The following ARHGAP24 variants were observed in gnomAD, a reference collection of about 807,000 sequenced individuals.
The protein encoded by ARHGAP24 is rho GTPase-activating protein 24.
ARHGAP24 carries 50 observed loss-of-function variants against 76.4 expected under a neutral mutation model. The observed-to-expected ratio is 0.65, with a 90% CI of 0.52 to 0.83. ARHGAP24 has a LOEUF of 0.83. ARHGAP24 is among the 40% of genes least tolerant of loss of function. ARHGAP24 has a pLI of 0.00. For synonymous variants in ARHGAP24, 345 were observed against 323.3 expected (o/e 1.07, Z -0.72); for missense variants, 930 against 914.2 (o/e 1.02, Z -0.22).
intron 2 of ARHGAP24, among the ~76,000 whole-genome samples, chr4:85,700,549 A>G (rs1224355683): frequency 6.6e-6 from 1 of 152,190 alleles, no homozygotes; most frequent in African/African-American, 2.4e-5. Context: ...CAATGGAGAT[A>G]GGAAGGATTA....
At chr4:85,571,087 G>A (rs1159226735) in intron 2 of ARHGAP24, among the ~76,000 whole-genome samples, 1 of 152,138 alleles carries the variant, frequency 6.6e-6, no homozygotes, top group Non-Finnish European at 1.5e-5. Flanking sequence ...CAGGTTTGAA[G>A]GAAGAACTGT....
intron 1 of ARHGAP24, among the ~76,000 whole-genome samples, chr4:85,503,311 C>A (rs112322273): frequency 0.016 from 2,404 of 152,224 alleles, 36 homozygotes; most frequent in Non-Finnish European, 0.025. Context: ...CCTCTTTGTA[C>A]CTCTGATAGA....
At chr4:85,636,424 A>G (rs1357986281) in intron 2 of ARHGAP24, among the ~76,000 whole-genome samples, 3 of 150,734 alleles carry the variant, frequency 2.0e-5, no homozygotes, top group Admixed American at 6.6e-5. Flanking sequence ...AATTCAAAGT[A>G]CCTAACCTCA....
At chr4:85,739,244 GA>G (rs1258011467) in intron 3 of ARHGAP24, among the ~76,000 whole-genome samples, 3 of 152,128 alleles carry the variant, frequency 2.0e-5, no homozygotes, top group African/African-American at 7.2e-5. Context: ...AGTCTACCCA[GA>G]ACCCTTCTAT....
chr4:85,924,263 T>C (rs984838274), intron 4 of ARHGAP24, among the ~76,000 whole-genome samples: 1 of 152,146 alleles, frequency 6.6e-6, no homozygotes, highest in Non-Finnish European at 1.5e-5. Flanking sequence ...AATTTGAAAG[T>C]AAGTTTTTAA....
chr4:86,001,870 G>A lies in ARHGAP24; in HGVS notation c.*1148G>A, dbSNP rs114726604. On this transcript the variant is annotated 3_prime_UTR_variant, in exon 10 of 10. Transcript: ENST00000395184. ...GGAGGGGGCCAGGCTGCAGGAGAAGGAGAAAAGTTTAGAAGAAACAAACCA... is the reference window on the plus strand; with the variant it reads ...GGAGGGGGCCAGGCTGCAGGAGAAGAAGAAAAGTTTAGAAGAAACAAACCA... 7.1e-4 allele frequency: 112 copies of A among 157,678 alleles called. No homozygotes were observed. The highest frequency in any genetic ancestry group is 2.3e-3 in the Admixed American group (35 of 15,428). The allele number at this position is 157,678 out of a possible 1,614,324, so 9.8% of individuals were successfully genotyped here.
intron 2 of ARHGAP24, among the ~76,000 whole-genome samples, chr4:85,694,072 C>T (rs1468592883): frequency 6.6e-6 from 1 of 152,184 alleles, no homozygotes; most frequent in Non-Finnish European, 1.5e-5. Context: ...TGGTTCACAG[C>T]TTCCTACCTC....
At chr4:85,655,784 T>TAG (rs1391776025) in intron 2 of ARHGAP24, among the ~76,000 whole-genome samples, 16 of 29,610 alleles carry the variant, frequency 5.4e-4, no homozygotes, top group African/African-American at 1.7e-3. Context: ...TATATATATA[T>TAG]ATATATATAG....
intron 2 of ARHGAP24, among the ~76,000 whole-genome samples, chr4:85,618,278 G>A (rs1720603158): frequency 6.6e-6 from 1 of 152,038 alleles, no homozygotes; most frequent in Non-Finnish European, 1.5e-5. Context: ...CTCACTTAGG[G>A]TCAGGTTCAT....
chr4:85,982,166 C>A (rs918281339), intron 8 of ARHGAP24, among the ~76,000 whole-genome samples: 6 of 151,802 alleles, frequency 4.0e-5, no homozygotes, highest in African/African-American at 1.2e-4. Flanking sequence ...GTGCTGCCAT[C>A]ATCTTCCTAG....
At chr4:85,504,691 T>G (rs1367528807) in intron 1 of ARHGAP24, among the ~76,000 whole-genome samples, 2 of 152,214 alleles carry the variant, frequency 1.3e-5, no homozygotes, top group African/African-American at 2.4e-5. Context: ...AGTTGGTGTC[T>G]TTTAATTGGA....
chr4:85,573,286 C>T lies in ARHGAP24; in HGVS notation c.180+2565C>T, dbSNP rs375968051. On this transcript the variant is annotated intron_variant, in intron 2 of 9. Transcript: ENST00000395184. ...TGTTTTGCCCTGATGTTTAAACACA[C>T]GCATACAAATTCAGATTAAGAACTG... Among the ~76,000 whole-genome samples the T allele has an allele frequency of 3.6e-4, 55 of 152,248 alleles. No individual in the cohort carries two copies. The East Asian group carries it at 5.2e-3, about 14-fold the overall frequency.
intron 3 of ARHGAP24, among the ~76,000 whole-genome samples, chr4:85,919,049 A>G (rs1345492672): frequency 6.6e-6 from 1 of 152,226 alleles, no homozygotes; most frequent in Non-Finnish European, 1.5e-5. Context: ...CATGAATATA[A>G]TGTGATATAA....
chr4:85,769,992 A>G (rs1275858057), intron 3 of ARHGAP24, among the ~76,000 whole-genome samples: 1 of 152,232 alleles, frequency 6.6e-6, no homozygotes, highest in Admixed American at 6.5e-5. Flanking sequence ...TTTCCATTGA[A>G]GAGGAATTAA....
At chr4:85,646,649 A>G (rs1721733128) in intron 2 of ARHGAP24, among the ~76,000 whole-genome samples, 1 of 152,228 alleles carries the variant, frequency 6.6e-6, no homozygotes, top group African/African-American at 2.4e-5. Flanking sequence ...TTTATTTAAC[A>G]GTTTATGATT....
rs560642605 is a variant in ARHGAP24, at chr4:85,895,969, G to A, written c.269-27679G>A. On this transcript the variant is annotated intron_variant, in intron 3 of 9. Transcript: ENST00000395184. The stretch of plus-strand genomic sequence containing the variant: ...CTCACTGTTTGTAGTGATCAATTAC[G>A]TTAATTCCATGGTAGAGGGTACTTC... 1.7e-4 allele frequency among the ~76,000 whole-genome samples: 26 copies of A among 152,282 alleles called. 2 individuals carry two copies. The South Asian group carries it at 5.2e-3, about 30-fold the overall frequency.
At chr4:85,854,302 A>T (rs2110167606) in intron 3 of ARHGAP24, among the ~76,000 whole-genome samples, 1 of 152,326 alleles carries the variant, frequency 6.6e-6, no homozygotes, top group Admixed American at 6.5e-5. Flanking sequence ...TGAGAAAATT[A>T]ATTTCCTTCA....
chr4:85,884,617 C>T (rs1733455612), intron 3 of ARHGAP24, among the ~76,000 whole-genome samples: 1 of 152,164 alleles, frequency 6.6e-6, no homozygotes, highest in Admixed American at 6.6e-5. Flanking sequence ...AACTAATCTC[C>T]ATGCAACCCC....
chr4:85,802,667 T>G (rs187890289), intron 3 of ARHGAP24, among the ~76,000 whole-genome samples: 2 of 152,304 alleles, frequency 1.3e-5, no homozygotes, highest in Admixed American at 1.3e-4. Context: ...AGCACATGCC[T>G]GTAATCCCCG....
Sources: gnomAD v4.1 joint callset for allele counts (sites outside exome capture counted in the v4.1 genomes callset) on GRCh38, gnomAD v4.1.1 for gene constraint, MANE v1.5 for transcripts, NCBI Gene and HGNC (gene_info 2026-07-23, HGNC 2026-07-21) for gene names.